Variants in RP1 observed in about 807,000 individuals in gnomAD.
The protein encoded by RP1 is RP1 axonemal microtubule associated.
RP1 carries 16 observed loss-of-function variants against 14.8 expected under a neutral mutation model. The ratio of observed to expected loss-of-function variants is 1.08; its 90% CI spans 0.73 to 1.65. The LOEUF (loss-of-function observed/expected upper bound fraction) is 1.65. Ranked by LOEUF, RP1 falls within the 40% of genes most tolerant of loss-of-function variation. The pLI, the probability that RP1 is intolerant of heterozygous loss-of-function variation, is 0.00. For missense variants in RP1, 2,631 were observed against 2,535.0 expected, an observed-to-expected ratio of 1.04 and a Z score of -0.81; for synonymous variants, 876 against 883.6, an observed-to-expected ratio of 0.99 and a Z score of 0.15.
intron 12 of RP1, among the ~76,000 whole-genome samples, chr8:54,692,992 G>T (rs1016660174): frequency 9.9e-5 from 15 of 152,050 alleles, no homozygotes; most frequent in Non-Finnish European, 2.2e-4. Flanking sequence ...ATTAATTTTT[G>T]TATAAGGTGT....
Position 54,869,959 on chromosome 8 carries a change from C to G in RP1, c.*17C>G, listed in dbSNP as rs546346459. On this transcript the variant is annotated 3_prime_UTR_variant, in exon 29 of 29. Transcript: ENST00000637698. ...ATCTCCTGAAAGGGCCCACTTGGGC[C>G]TGTCGCTCCAATATGCTTCAAAAGG... The G allele has an allele frequency of 1.3e-4, 143 of 1,122,576 alleles. No homozygotes were observed. In the South Asian group the frequency reaches 5.9e-3, roughly 47 times the overall value. 69.5% of individuals were successfully genotyped at this position (1,122,576 alleles called of 1,614,324 possible).
intron 8 of RP1, chr8:54,673,994 A>G: frequency 8.1e-7 from 1 of 1,230,472 alleles, no homozygotes; most frequent in Non-Finnish European, 1.1e-6. Flanking sequence ...AACTCTGTTC[A>G]AATCTAGAAA....
At chr8:54,768,063 T>C (rs1181720677) in intron 22 of RP1, among the ~76,000 whole-genome samples, 2 of 152,208 alleles carry the variant, frequency 1.3e-5, no homozygotes, top group Non-Finnish European at 2.9e-5. Context: ...TCCTTGACAT[T>C]GTCAGATCCT....
chr8:54,724,867 G>A (rs1337657789), intron 16 of RP1, among the ~76,000 whole-genome samples: 2 of 152,202 alleles, frequency 1.3e-5, no homozygotes, highest in Non-Finnish European at 2.9e-5. Flanking sequence ...AAGCCAGTGT[G>A]GGGAGGATAG....
At chr8:54,663,652 A>G in intron 6 of RP1, 8 of 1,437,124 alleles carry the variant, frequency 5.6e-6, no homozygotes, top group Admixed American at 2.9e-5. Context: ...ATTTTCTGTT[A>G]TATGAGTACT....
chr8:54,799,752 G>A (rs931674354), intron 24 of RP1, among the ~76,000 whole-genome samples: 4 of 151,834 alleles, frequency 2.6e-5, no homozygotes, highest in African/African-American at 4.8e-5. Flanking sequence ...TGCAGTATAA[G>A]GGTCTTAGAA....
intron 16 of RP1, among the ~76,000 whole-genome samples, chr8:54,724,260 A>G (rs1019797980): frequency 1.3e-5 from 2 of 152,240 alleles, no homozygotes; most frequent in African/African-American, 4.8e-5. Context: ...TTTAAAACAT[A>G]TATGCACTAA....
Position 54,703,692 on chromosome 8 carries a change from T to C in RP1, c.1998+2030T>C, listed in dbSNP as rs570592784. Among the ~76,000 whole-genome samples the C allele has an allele frequency of 7.2e-5, 11 of 152,330 alleles. No individual in the cohort carries two copies. In the East Asian group the frequency reaches 1.9e-3, roughly 27 times the overall value. ...TTCTCCTCTCTAGCTATGAAAGTCA[T>C]GTGTGGCATCTTCTTCTAATAGAAG... On this transcript the variant is annotated intron_variant, in intron 14 of 22. Coordinates refer to the RP1 transcript ENST00000636932.
In RP1 at chr8:54,779,531, G is replaced by A. The variant is rs1030233785; in HGVS notation, c.3452-4016G>A. On this transcript the variant is annotated intron_variant, in intron 23 of 28. Transcript: ENST00000637698. ...TATTCAAAAACAGGGTTAATTTTCT[G>A]AACTACAAAGTCAAATGCATGTAAC... Among the ~76,000 whole-genome samples, 5 of 152,032 alleles carry A rather than the reference G, an allele frequency of 3.3e-5. No homozygotes were observed. In the East Asian group the frequency reaches 7.7e-4, roughly 23 times the overall value.
chr8:54,671,067 A>G (rs1442734801), intron 7 of RP1, among the ~76,000 whole-genome samples: 1 of 152,036 alleles, frequency 6.6e-6, no homozygotes, highest in African/African-American at 2.4e-5. Flanking sequence ...TATCTGGGAA[A>G]GTCTTAATTT....
chr8:54,863,043 G>GTATA (rs1812381394), intron 27 of RP1, among the ~76,000 whole-genome samples: 4 of 42,804 alleles, frequency 9.3e-5, no homozygotes, highest in East Asian at 1.0e-3. Context: ...TATTCCAAAT[G>GTATA]GATATATATA....
chr8:54,584,926 C>G (rs1328128450), intron 1 of RP1, among the ~76,000 whole-genome samples: 2 of 152,178 alleles, frequency 1.3e-5, no homozygotes, highest in Admixed American at 1.3e-4. Flanking sequence ...CTGAATACAG[C>G]AAACTGATGA....
intron 1 of RP1, among the ~76,000 whole-genome samples, chr8:54,607,426 C>T (rs1182678191): frequency 6.6e-6 from 1 of 152,098 alleles, no homozygotes; most frequent in Non-Finnish European, 1.5e-5. Flanking sequence ...GAAGAGTACC[C>T]AGCTGTGTGA....
chr8:54,621,314 C>T lies in RP1; in HGVS notation c.348C>T (p.Asp116=). 1 of 1,613,374 alleles carries T rather than the reference C, an allele frequency of 6.2e-7. No individual in the cohort carries two copies. The change falls in exon 2 of 4, where the codon GAC becomes GAT. Residue 116 remains aspartate, a synonymous_variant. Transcript: ENST00000220676. ...ACGGCAGGAAGGTGCAGCCTGTAGA[C>T]CTGGACAAAGCCCGTCGGCGCCCGC... is the stretch of plus-strand genomic sequence containing the variant. ...CSHGRKVQPV[D]LDKARRRPRP...
chr8:54,704,991 G>A (rs928928923), intron 14 of RP1, among the ~76,000 whole-genome samples: 1 of 151,998 alleles, frequency 6.6e-6, no homozygotes, highest in Non-Finnish European at 1.5e-5. Context: ...ATTAAAAATT[G>A]AACTTAAGGG....
chr8:54,595,000 T>A (rs1033564153), intron 1 of RP1, among the ~76,000 whole-genome samples: 1 of 152,166 alleles, frequency 6.6e-6, no homozygotes, highest in Admixed American at 6.5e-5. Flanking sequence ...AATTTCAAGG[T>A]ATTTTTCTTA....
chr8:54,746,490 A>G (rs539264247), intron 19 of RP1, among the ~76,000 whole-genome samples: 1 of 152,336 alleles, frequency 6.6e-6, no homozygotes, highest in Non-Finnish European at 1.5e-5. Flanking sequence ...ATATTAATCC[A>G]GGTCATCATA....
chr8:54,774,073 C>G (rs148702485), downstream of RP1, among the ~76,000 whole-genome samples: 184 of 152,256 alleles, frequency 1.2e-3, no homozygotes, highest in African/African-American at 4.3e-3. Flanking sequence ...ATAAAATATT[C>G]TATCACATCA....
intron 12 of RP1, among the ~76,000 whole-genome samples, chr8:54,684,909 T>C (rs926865676): frequency 6.6e-6 from 1 of 152,076 alleles, no homozygotes; most frequent in African/African-American, 2.4e-5. Context: ...AAACACCCCA[T>C]GTTCTCACTT....
Sources: allele counts gnomAD v4.1 joint callset (sites outside exome capture counted in the v4.1 genomes callset), GRCh38; gene constraint gnomAD v4.1.1; transcripts MANE v1.5; gene names NCBI Gene and HGNC (gene_info 2026-07-23, HGNC 2026-07-21).